SLC25A21: variants seen among roughly 807,000 people sequenced by gnomAD.
SLC25A21 encodes mitochondrial 2-oxodicarboxylate carrier.
SLC25A21 carries 47 observed loss-of-function variants against 43.8 expected under a neutral mutation model. The ratio of observed to expected loss-of-function variants is 1.07; its 90% CI spans 0.85 to 1.37. The LOEUF is 1.37. Ranked by LOEUF, SLC25A21 falls within the 40% of genes most tolerant of loss-of-function variation. The pLI, the probability that SLC25A21 is intolerant of heterozygous loss-of-function variation, is 0.00. For missense variants in SLC25A21, 352 were observed against 350.2 expected, an observed-to-expected ratio of 1.00 and a Z score of -0.04; for synonymous variants, 131 against 121.3, an observed-to-expected ratio of 1.08 and a Z score of -0.52.
intron 1 of SLC25A21, among the ~76,000 whole-genome samples, chr14:37,084,107 T>G (rs1230393178): frequency 6.6e-6 from 1 of 152,206 alleles, no homozygotes; most frequent in East Asian, 1.9e-4. Flanking sequence ...TGCCACAGCT[T>G]GAACCATTAA....
chr14:36,854,096 C>T (rs1889826284), intron 2 of SLC25A21, among the ~76,000 whole-genome samples: 1 of 152,176 alleles, frequency 6.6e-6, no homozygotes, highest in Admixed American at 6.5e-5. Context: ...TCAGTTACCA[C>T]CTACAGAATA....
chr14:36,859,869 A>G (rs972340661), intron 2 of SLC25A21, among the ~76,000 whole-genome samples: 9 of 152,194 alleles, frequency 5.9e-5, no homozygotes, highest in African/African-American at 1.7e-4. Context: ...CCAAATACAT[A>G]ATTTGAAAAT....
chr14:36,958,586 G>T (rs1959400797), intron 1 of SLC25A21, among the ~76,000 whole-genome samples: 1 of 152,050 alleles, frequency 6.6e-6, no homozygotes, highest in Admixed American at 6.6e-5. Context: ...CCCAGGTGTT[G>T]AGGCCTTACC....
At chr14:36,840,009 C>G (rs541081776) in intron 2 of SLC25A21, among the ~76,000 whole-genome samples, 1 of 152,210 alleles carries the variant, frequency 6.6e-6, no homozygotes, top group South Asian at 2.1e-4. Context: ...GGGAGGTGGT[C>G]AAAAGTTGGT....
intron 1 of SLC25A21, among the ~76,000 whole-genome samples, chr14:36,919,709 A>C (rs560801493): frequency 6.6e-6 from 1 of 151,962 alleles, no homozygotes; most frequent in African/African-American, 2.4e-5. Flanking sequence ...CACAGGCTGA[A>C]GTTTTGGGTA....
At chr14:37,094,059 A>C (rs906819285) in intron 1 of SLC25A21, among the ~76,000 whole-genome samples, 9 of 152,184 alleles carry the variant, frequency 5.9e-5, no homozygotes, top group African/African-American at 2.2e-4. Flanking sequence ...GTACTTTTTA[A>C]AAGTTAATTA....
chr14:36,954,469 T>C (rs1176511714), intron 1 of SLC25A21, among the ~76,000 whole-genome samples: 1 of 150,928 alleles, frequency 6.6e-6, no homozygotes, highest in African/African-American at 2.4e-5. Context: ...ATTTTCTTTA[T>C]AAGGAAAACA....
chr14:37,059,339 T>C (rs1210223876), intron 1 of SLC25A21, among the ~76,000 whole-genome samples: 2 of 152,172 alleles, frequency 1.3e-5, no homozygotes, highest in African/African-American at 4.8e-5. Flanking sequence ...CAGTAGACAG[T>C]GGCAGAGCGA....
chr14:37,160,493 A>G (rs1274716602), intron 1 of SLC25A21, among the ~76,000 whole-genome samples: 1 of 152,204 alleles, frequency 6.6e-6, no homozygotes, highest in East Asian at 1.9e-4. Context: ...GCATGTTCTC[A>G]CTTATACGTG....
chr14:36,786,482 A>G (rs1466686034), intron 3 of SLC25A21, among the ~76,000 whole-genome samples: 1 of 152,236 alleles, frequency 6.6e-6, no homozygotes, highest in Non-Finnish European at 1.5e-5. Context: ...GAACAGCTCC[A>G]TTTGACAACT....
At chr14:36,936,013 T>G (rs1892413790) in intron 1 of SLC25A21, among the ~76,000 whole-genome samples, 1 of 107,394 alleles carries the variant, frequency 9.3e-6, no homozygotes, top group African/African-American at 2.9e-5. Context: ...CAGGCTAAGT[T>G]ATTCCACATT....
chr14:36,974,680 T>C (rs1282640730), intron 1 of SLC25A21, among the ~76,000 whole-genome samples: 2 of 152,182 alleles, frequency 1.3e-5, no homozygotes, highest in Admixed American at 1.3e-4. Context: ...TATGTTGAAG[T>C]TACAAGTATA....
At chr14:36,775,908 T>C (rs1424405449) in intron 3 of SLC25A21, among the ~76,000 whole-genome samples, 1 of 152,190 alleles carries the variant, frequency 6.6e-6, no homozygotes, top group African/African-American at 2.4e-5. Flanking sequence ...TACCTCATTT[T>C]TGCAACCTGT....
chr14:36,956,873 T>C (rs1280151586), intron 1 of SLC25A21, among the ~76,000 whole-genome samples: 2 of 152,192 alleles, frequency 1.3e-5, no homozygotes, highest in East Asian at 1.9e-4. Context: ...GTCATGTGGA[T>C]TGGCCATGAT....
intron 1 of SLC25A21, among the ~76,000 whole-genome samples, chr14:37,127,114 T>A (rs1299774894): frequency 1.3e-5 from 2 of 152,192 alleles, no homozygotes; most frequent in Non-Finnish European, 2.9e-5. Context: ...AGATAGAATT[T>A]GTTATACGTA....
chr14:37,082,565 T>C (rs552836783), intron 1 of SLC25A21, among the ~76,000 whole-genome samples: 3 of 152,314 alleles, frequency 2.0e-5, no homozygotes, highest in Admixed American at 6.5e-5. Flanking sequence ...CTGATGGTTA[T>C]GAAGAATGAA....
chr14:36,708,501 G>T (rs914911875), intron 7 of SLC25A21, among the ~76,000 whole-genome samples: 3 of 152,016 alleles, frequency 2.0e-5, no homozygotes, highest in African/African-American at 7.3e-5. Flanking sequence ...GCAGTGCCAT[G>T]GTCATGGTTC....
At chr14:36,995,266 A>G (rs1440944872) in intron 1 of SLC25A21, among the ~76,000 whole-genome samples, 1 of 152,200 alleles carries the variant, frequency 6.6e-6, no homozygotes, top group East Asian at 1.9e-4. Context: ...TTCTACATAC[A>G]TGGTTATCCT....
At chr14:37,030,891 G>T (rs1239075406) in intron 1 of SLC25A21, among the ~76,000 whole-genome samples, 1 of 152,110 alleles carries the variant, frequency 6.6e-6, no homozygotes, top group Non-Finnish European at 1.5e-5. Context: ...GTGGCCCAAG[G>T]AATCAACCCT....
Sources: allele counts gnomAD v4.1 joint callset (sites outside exome capture counted in the v4.1 genomes callset), GRCh38; gene constraint gnomAD v4.1.1; transcripts MANE v1.5; gene names NCBI Gene and HGNC (gene_info 2026-07-23, HGNC 2026-07-21).